SPATA13: variants seen among roughly 807,000 people sequenced by gnomAD.
The protein encoded by SPATA13 is spermatogenesis associated 13, also known as spermatogenesis-associated protein 13.
In SPATA13, 50 loss-of-function variants were observed where a neutral mutation model predicts 104.0. The ratio of observed to expected loss-of-function variants is 0.48; its 90% CI spans 0.38 to 0.61. SPATA13 has a LOEUF of 0.61. SPATA13 is among the 20% of genes least tolerant of loss of function. The pLI, the probability that SPATA13 is intolerant of heterozygous loss-of-function variation, is 0.00. For synonymous variants in SPATA13, 606 were observed against 667.5 expected, an observed-to-expected ratio of 0.91 and a Z score of 1.42; for missense variants, 1,524 against 1,690.6, an observed-to-expected ratio of 0.90 and a Z score of 1.73.
intron 1 of SPATA13, among the ~76,000 whole-genome samples, chr13:24,190,000 A>AC (rs1397873318): frequency 6.5e-4 from 5 of 7,698 alleles, no homozygotes; most frequent in East Asian, 0.013. Flanking sequence ...TATAACATAT[A>AC]ATAATATATT....
intron 3 of SPATA13, among the ~76,000 whole-genome samples, chr13:24,060,109 C>A (rs1014595664): frequency 1.3e-5 from 2 of 152,080 alleles, no homozygotes; most frequent in African/African-American, 4.8e-5. Context: ...AAAATGAGCC[C>A]AAATAGCCAA....
In SPATA13 at chr13:24,284,250, G is replaced by A. The variant is rs757139438; in HGVS notation, c.2280G>A (p.Gly760=). The A allele has an allele frequency of 3.7e-6, 6 of 1,613,504 alleles. No individual in the cohort carries two copies. Among genetic ancestry groups the A allele is most frequent in the Middle Eastern group, 1.7e-4 (1 of 5,886 alleles). The part of the protein sequence containing the change: ...QASPRYLQPG[G]EQLAINELIS... The stretch of plus-strand genomic sequence containing the variant: ...GCCCTCGGTACCTGCAGCCCGGCGG[G>A]GAGCAGCTGGCCATCAATGAGGTAC... Residue 760 remains glycine, a synonymous_variant, in exon 5 of 13, where the codon GGG becomes GGA. Transcript: ENST00000382108.
At chr13:23,990,601 T>C (rs1051817901) in intron 2 of SPATA13, among the ~76,000 whole-genome samples, 4 of 152,228 alleles carry the variant, frequency 2.6e-5, no homozygotes, top group African/African-American at 9.7e-5. Flanking sequence ...CAGCCTGGTT[T>C]AGTGGATTCT....
chr13:24,114,340 G>A (rs976219728), intron 3 of SPATA13, among the ~76,000 whole-genome samples: 3 of 84,042 alleles, frequency 3.6e-5, no homozygotes, highest in Admixed American at 2.9e-4. Flanking sequence ...GCATATAGAA[G>A]CTAATTCAGT....
chr13:24,187,787 T>C (rs1261437687), intron 1 of SPATA13, among the ~76,000 whole-genome samples: 1 of 152,208 alleles, frequency 6.6e-6, no homozygotes, highest in Non-Finnish European at 1.5e-5. Context: ...ACTCCCAGTC[T>C]CTCTGCCTCT....
chr13:24,178,096 C>T (rs1868545019), intron 1 of SPATA13, among the ~76,000 whole-genome samples: 1 of 152,198 alleles, frequency 6.6e-6, no homozygotes, highest in African/African-American at 2.4e-5. Context: ...TCCAATGATC[C>T]TCCCACCTTG....
In SPATA13 at chr13:23,999,093, C is replaced by T. The variant is rs573385330; in HGVS notation, c.-147+15160C>T. Among the ~76,000 whole-genome samples the T allele has an allele frequency of 5.9e-5, 9 of 151,990 alleles. No homozygotes were observed. The East Asian group carries it at 1.7e-3, about 29-fold the overall frequency. ...GGCACATGCCACCATTTCAGGCTAA[C>T]TTTTTGTATTGTTAGTAGAGATGGG... On this transcript the variant is annotated intron_variant, in intron 2 of 14. Coordinates refer to the SPATA13 transcript ENST00000424834.
At chr13:24,110,099 C>T (rs1292173318) in intron 3 of SPATA13, among the ~76,000 whole-genome samples, 2 of 151,076 alleles carry the variant, frequency 1.3e-5, no homozygotes, top group African/African-American at 2.4e-5. Context: ...TTGTTAACTA[C>T]ATCACTCCAG....
rs944793795 is a variant in SPATA13, at chr13:24,088,336, T to C, written c.-112+70635T>C. 1.3e-5 allele frequency among the ~76,000 whole-genome samples: 2 copies of C among 152,202 alleles called. No individual in the cohort carries two copies. Among genetic ancestry groups the C allele is most frequent in the African/African-American group, 2.4e-5 (1 of 41,456 alleles). On this transcript the variant is annotated intron_variant, in intron 3 of 14. Transcript: ENST00000424834. This position sits in a 1 kb window ranked among gnomAD's most constrained non-coding sequence, Gnocchi z 4.3. ...TCACATGACTATTAAAGCATCTGAA[T>C]TGGGATTAGAACATAAACCCAGCTG... is the stretch of plus-strand genomic sequence containing the variant.
At chr13:24,290,049 C>T (rs1876228087) in intron 8 of SPATA13, among the ~76,000 whole-genome samples, 1 of 152,112 alleles carries the variant, frequency 6.6e-6, no homozygotes. Flanking sequence ...GTGGCCTGTG[C>T]AGAAGGTTCC....
chr13:23,992,416 A>C (rs1393523267), intron 2 of SPATA13, among the ~76,000 whole-genome samples: 2 of 152,204 alleles, frequency 1.3e-5, no homozygotes, highest in African/African-American at 4.8e-5. Flanking sequence ...CCACAATAAA[A>C]ATTTACCGCC....
intron 2 of SPATA13, among the ~76,000 whole-genome samples, chr13:23,997,649 T>C (rs1279043996): frequency 1.3e-5 from 2 of 152,188 alleles, no homozygotes; most frequent in African/African-American, 4.8e-5. Context: ...CAGACCCGCA[T>C]CTGCTTCTGT....
intron 1 of SPATA13, among the ~76,000 whole-genome samples, chr13:24,174,756 T>C (rs1292692956): frequency 6.6e-6 from 1 of 152,126 alleles, no homozygotes; most frequent in Non-Finnish European, 1.5e-5. Flanking sequence ...TTTGAATTTT[T>C]TTAGTAGAGA....
chr13:24,029,719 C>T (rs1877390378), intron 3 of SPATA13, among the ~76,000 whole-genome samples: 1 of 151,942 alleles, frequency 6.6e-6, no homozygotes, highest in Non-Finnish European at 1.5e-5. Flanking sequence ...ATTTCATCAC[C>T]CAGGTATTAA....
chr13:24,236,600 A>AG (rs1872587000), intron 2 of SPATA13, among the ~76,000 whole-genome samples: 1 of 121,354 alleles, frequency 8.2e-6, no homozygotes, highest in Non-Finnish European at 1.9e-5. Context: ...CATCTCAAAA[A>AG]AAAAAAAAAA....
At chr13:24,013,052 T>C (rs1334041732) in intron 2 of SPATA13, among the ~76,000 whole-genome samples, 2 of 152,096 alleles carry the variant, frequency 1.3e-5, no homozygotes, top group Non-Finnish European at 2.9e-5. Flanking sequence ...GTCACCCCTT[T>C]GCTAATACCC....
chr13:24,103,409 C>A (rs868865961), intron 3 of SPATA13, among the ~76,000 whole-genome samples: 2 of 141,890 alleles, frequency 1.4e-5, no homozygotes, highest in Middle Eastern at 8.1e-3. Flanking sequence ...GGCTTGGAAC[C>A]AAGAGTTTGA....
chr13:24,047,602 A>T (rs1188383583), intron 3 of SPATA13, among the ~76,000 whole-genome samples: 3 of 152,238 alleles, frequency 2.0e-5, no homozygotes, highest in Non-Finnish European at 2.9e-5. Context: ...AGCTTTAGTA[A>T]ATCCTATTAG....
intron 1 of SPATA13, among the ~76,000 whole-genome samples, chr13:24,165,566 TTC>T (rs559016063): frequency 2.0e-5 from 3 of 152,070 alleles, no homozygotes; most frequent in Admixed American, 1.3e-4. Flanking sequence ...CTCTCAGCCC[TTC>T]CCGGTTGCAC....
Sources: gnomAD v4.1 joint callset for allele counts (sites outside exome capture counted in the v4.1 genomes callset) on GRCh38, gnomAD v4.1.1 for gene constraint, Gnocchi (gnomAD v3.1) non-coding constraint, MANE v1.5 for transcripts, NCBI Gene and HGNC (gene_info 2026-07-23, HGNC 2026-07-21) for gene names.